PDS5A: variants seen among roughly 807,000 people sequenced by gnomAD.
PDS5A encodes the protein sister chromatid cohesion protein PDS5 homolog A.
In PDS5A, 42 loss-of-function variants were observed where a neutral mutation model predicts 167.1. The ratio of observed to expected loss-of-function variants is 0.25; its 90% CI spans 0.20 to 0.33. PDS5A has a LOEUF of 0.33. Ranked by LOEUF, PDS5A falls within the 10% of genes least tolerant of loss-of-function variation. PDS5A has a pLI of 1.00. For synonymous variants in PDS5A, 553 were observed against 554.6 expected, an observed-to-expected ratio of 1.00 and a Z score of 0.04; for missense variants, 1,033 against 1,605.9, an observed-to-expected ratio of 0.64 and a Z score of 6.10.
intron 7 of PDS5A, among the ~76,000 whole-genome samples, chr4:39,918,029 A>T (rs1724556649): frequency 6.6e-6 from 1 of 151,964 alleles, no homozygotes; most frequent in Non-Finnish European, 1.5e-5. Flanking sequence ...AAATAAAAAA[A>T]TTATCTGGGT....
chr4:39,916,460 T>C (rs1724394253), intron 8 of PDS5A, among the ~76,000 whole-genome samples: 1 of 152,262 alleles, frequency 6.6e-6, no homozygotes, highest in South Asian at 2.1e-4. Context: ...ATCTATCTAA[T>C]AATGGATACC....
intron 2 of PDS5A, among the ~76,000 whole-genome samples, chr4:39,963,945 T>C (rs922025002): frequency 6.6e-6 from 1 of 152,086 alleles, no homozygotes; most frequent in African/African-American, 2.4e-5. Flanking sequence ...TCTCGCTCTG[T>C]CACCAGGCTG....
intron 2 of PDS5A, among the ~76,000 whole-genome samples, chr4:39,930,246 A>AAAAAAAAAAATTTTTTTTT: frequency 1.1e-5 from 1 of 93,090 alleles, no homozygotes; most frequent in Non-Finnish European, 2.2e-5. Flanking sequence ...AAAAAAAAAA[A>AAAAAAAAAAATTTTTTTTT]GTTTTTTTGT....
chr4:39,871,772 T>C (rs1232805505), intron 21 of PDS5A, among the ~76,000 whole-genome samples: 1 of 152,156 alleles, frequency 6.6e-6, no homozygotes, highest in Non-Finnish European at 1.5e-5. Flanking sequence ...GGTGCAATCT[T>C]GGCTCACTGC....
intron 32 of PDS5A, among the ~76,000 whole-genome samples, chr4:39,829,733 C>T (rs1715650627): frequency 6.6e-6 from 1 of 151,494 alleles, no homozygotes; most frequent in East Asian, 2.0e-4. Context: ...GGGCGGATCA[C>T]AAGGTCAGGA....
At chr4:39,944,066 T>C (rs1273357233) in intron 2 of PDS5A, among the ~76,000 whole-genome samples, 1 of 145,672 alleles carries the variant, frequency 6.9e-6, no homozygotes, top group Non-Finnish European at 1.5e-5. Context: ...TAGTCCCAGC[T>C]ACTCAGGAGG....
chr4:39,938,798 C>G (rs776178315), intron 2 of PDS5A, among the ~76,000 whole-genome samples: 4 of 151,442 alleles, frequency 2.6e-5, no homozygotes, highest in Admixed American at 1.3e-4. Flanking sequence ...GGTGAAACCC[C>G]ATCTCTACTA....
At chr4:39,883,187 T>A (rs76729445) in intron 17 of PDS5A, among the ~76,000 whole-genome samples, 3,696 of 152,148 alleles carry the variant, frequency 0.024, 144 homozygotes, top group East Asian at 0.17. Context: ...ATCTTTTTTT[T>A]TAAAAAAAGA....
chr4:39,966,354 T>C (rs1298599682), intron 2 of PDS5A, among the ~76,000 whole-genome samples: 1 of 152,170 alleles, frequency 6.6e-6, no homozygotes, highest in East Asian at 1.9e-4. Context: ...ATTATGGCCG[T>C]CCTGCCCTTA....
chr4:39,864,727 C>T (rs1371840332), intron 23 of PDS5A, among the ~76,000 whole-genome samples: 1 of 152,138 alleles, frequency 6.6e-6, no homozygotes, highest in Admixed American at 6.5e-5. Flanking sequence ...AAGTTAATAG[C>T]TATTATGTGA....
chr4:39,970,443 A>T (rs1164258370), intron 2 of PDS5A, among the ~76,000 whole-genome samples: 1 of 39,426 alleles, frequency 2.5e-5, no homozygotes, highest in Non-Finnish European at 6.3e-5. Context: ...TCAAATGCTT[A>T]AAAAAAAAAA....
At chr4:39,976,817 G>T (rs903977906) in intron 1 of PDS5A, among the ~76,000 whole-genome samples, 200 bp from the exon 2 acceptor site, 1 of 152,142 alleles carries the variant, frequency 6.6e-6, no homozygotes, top group Non-Finnish European at 1.5e-5. Context: ...AGGCTCACGG[G>T]GCTCCTCCGC....
At chr4:39,839,762 G>A (rs866014958) in intron 31 of PDS5A, among the ~76,000 whole-genome samples, 13 of 146,600 alleles carry the variant, frequency 8.9e-5, no homozygotes, top group Middle Eastern at 3.5e-3. Flanking sequence ...TCTGGGGGGG[G>A]GGGGCAGGGG....
intron 15 of PDS5A, 95 bp downstream of exon 15, chr4:39,898,682 C>A (rs1408361383): frequency 1.0e-6 from 1 of 961,252 alleles, no homozygotes; most frequent in Non-Finnish European, 1.5e-6. Flanking sequence ...AGATTATTTT[C>A]TTTTACTTAA....
chr4:39,861,116 T>C (rs1718953722), intron 26 of PDS5A, among the ~76,000 whole-genome samples: 1 of 144,232 alleles, frequency 6.9e-6, no homozygotes, highest in Non-Finnish European at 1.5e-5. Flanking sequence ...AGGCAGACAG[T>C]AGAAGGGTGG....
intron 23 of PDS5A, among the ~76,000 whole-genome samples, chr4:39,865,327 C>T (rs1719339347): frequency 6.6e-6 from 1 of 152,072 alleles, no homozygotes; most frequent in South Asian, 2.1e-4. Context: ...CATAATTACC[C>T]CCAATTTAAA....
At chr4:39,905,154 T>C (rs546494897) in intron 11 of PDS5A, among the ~76,000 whole-genome samples, 3 of 152,078 alleles carry the variant, frequency 2.0e-5, no homozygotes, top group Admixed American at 2.0e-4. Flanking sequence ...GTAGTGAATC[T>C]AGGAGTTGAG....
chr4:39,903,678 G>A (rs1323433138), intron 12 of PDS5A, among the ~76,000 whole-genome samples: 2 of 152,100 alleles, frequency 1.3e-5, no homozygotes, highest in South Asian at 2.1e-4. Context: ...CTGTGGGAAA[G>A]GCACTATTAT....
intron 16 of PDS5A, among the ~76,000 whole-genome samples, chr4:39,895,976 G>A (rs1261933281): frequency 2.7e-5 from 4 of 150,744 alleles, no homozygotes; most frequent in Non-Finnish European, 5.9e-5. Context: ...TGCCAACCTC[G>A]GCCTCCCAAA....
Sources: gnomAD v4.1 joint callset for allele counts (sites outside exome capture counted in the v4.1 genomes callset) on GRCh38, gnomAD v4.1.1 for gene constraint, MANE v1.5 for transcripts, NCBI Gene and HGNC (gene_info 2026-07-23, HGNC 2026-07-21) for gene names.